The following GALNTL6 variants were observed in gnomAD, a reference collection of about 807,000 sequenced individuals.
GALNTL6 encodes polypeptide N-acetylgalactosaminyltransferase like 6, also known as polypeptide N-acetylgalactosaminyltransferase-like 6.
A neutral mutation model predicts 73.7 loss-of-function variants in GALNTL6; 46 were observed. That is an observed-to-expected ratio of 0.62 (90% CI 0.49 to 0.80). The LOEUF (loss-of-function observed/expected upper bound fraction) is 0.80, where lower values mean the gene tolerates loss of function less well. Among genes scored for constraint, GALNTL6 ranks in the 30% least tolerant of loss-of-function variants. The pLI is 0.00. For missense variants in GALNTL6, 604 were observed against 755.0 expected (o/e 0.80, Z 2.34); for synonymous variants, 259 against 263.7 (o/e 0.98, Z 0.17).
intron 3 of GALNTL6, among the ~76,000 whole-genome samples, chr4:172,259,710 A>G (rs373195033): frequency 4.1e-4 from 62 of 151,644 alleles, no homozygotes; most frequent in Middle Eastern, 3.4e-3. Flanking sequence ...AGTTTTTCCA[A>G]TGTTATCATT....
At chr4:172,751,933 A>C (rs1737445791) in intron 5 of GALNTL6, among the ~76,000 whole-genome samples, 1 of 151,840 alleles carries the variant, frequency 6.6e-6, no homozygotes, top group South Asian at 2.1e-4. Context: ...CCCTGCAAGA[A>C]CTCTTTCATT....
chr4:171,959,840 T>C (rs1227484208), intron 2 of GALNTL6, among the ~76,000 whole-genome samples: 1 of 152,182 alleles, frequency 6.6e-6, no homozygotes, highest in Non-Finnish European at 1.5e-5. Flanking sequence ...CAAATAGAAA[T>C]AATCTCCCTT....
chr4:172,537,959 G>A (rs1378887624), intron 5 of GALNTL6, among the ~76,000 whole-genome samples: 1 of 152,156 alleles, frequency 6.6e-6, no homozygotes, highest in Non-Finnish European at 1.5e-5. Flanking sequence ...ATTTGGAGGT[G>A]AGGAGAATAG....
At chr4:172,668,459 C>T (rs375907826) in intron 5 of GALNTL6, 5 of 151,954 alleles carry the variant, frequency 3.3e-5, no homozygotes, top group South Asian at 2.1e-4. Flanking sequence ...ATCAAACAGC[C>T]GATGTGAATT....
At chr4:172,709,711 C>T (rs1056639968) in intron 5 of GALNTL6, among the ~76,000 whole-genome samples, 15 of 152,038 alleles carry the variant, frequency 9.9e-5, no homozygotes, top group Non-Finnish European at 2.1e-4. Context: ...AACTTAAAGA[C>T]ATACTGATGA....
At chr4:172,752,046 T>TAAAAAAAAAAAAAAAAAAAAAAAAAAA (rs5864166) in intron 5 of GALNTL6, among the ~76,000 whole-genome samples, 1 of 135,020 alleles carries the variant, frequency 7.4e-6, no homozygotes, top group Non-Finnish European at 1.6e-5. Flanking sequence ...AACTTAAACT[T>TAAAAAAAAAAAAAAAAAAAAAAAAAAA]AAAAAAAAAA....
At chr4:172,127,398 C>A (rs1733332917) in intron 2 of GALNTL6, among the ~76,000 whole-genome samples, 1 of 152,270 alleles carries the variant, frequency 6.6e-6, no homozygotes, top group Non-Finnish European at 1.5e-5. Flanking sequence ...CACAGGCCCA[C>A]ATGCAACAGC....
chr4:172,792,453 A>G (rs557249685), intron 5 of GALNTL6, among the ~76,000 whole-genome samples: 1 of 152,228 alleles, frequency 6.6e-6, no homozygotes, highest in South Asian at 2.1e-4. Flanking sequence ...AAAAGTGAGG[A>G]AAAATGAAGT....
At chr4:172,888,952 GTTC>G (rs1334654567) in intron 8 of GALNTL6, among the ~76,000 whole-genome samples, 2 of 151,552 alleles carry the variant, frequency 1.3e-5, no homozygotes, top group Non-Finnish European at 2.9e-5. Context: ...GTGTTTTGTA[GTTC>G]TTCTTGTAGA....
intron 3 of GALNTL6, among the ~76,000 whole-genome samples, chr4:172,269,015 C>T (rs138669839): frequency 6.6e-6 from 1 of 152,250 alleles, no homozygotes; most frequent in East Asian, 1.9e-4. Flanking sequence ...ATGAGCGTGG[C>T]CCATCACATC....
chr4:172,064,379 C>A (rs900322859), intron 2 of GALNTL6, among the ~76,000 whole-genome samples: 5 of 152,114 alleles, frequency 3.3e-5, no homozygotes, highest in African/African-American at 1.2e-4. Flanking sequence ...GAATAGTGTA[C>A]GCTTGAAGTC....
At chr4:172,958,048 G>A (rs946201474) in intron 10 of GALNTL6, among the ~76,000 whole-genome samples, 7 of 152,152 alleles carry the variant, frequency 4.6e-5, no homozygotes, top group African/African-American at 7.2e-5. Context: ...ATTGAAGTCC[G>A]GGCCAGAAAC....
chr4:172,943,993 C>G (rs543906572), intron 9 of GALNTL6, among the ~76,000 whole-genome samples: 1 of 152,106 alleles, frequency 6.6e-6, no homozygotes. Context: ...AAAATTAATA[C>G]AAAATCAATC....
chr4:172,279,358 C>T (rs1738947960), intron 3 of GALNTL6, among the ~76,000 whole-genome samples: 1 of 152,076 alleles, frequency 6.6e-6, no homozygotes, highest in African/African-American at 2.4e-5. Context: ...AGATTTGCTA[C>T]AACTCAACAA....
At chr4:172,687,742 T>G (rs1158843118) in intron 5 of GALNTL6, among the ~76,000 whole-genome samples, 1 of 152,190 alleles carries the variant, frequency 6.6e-6, no homozygotes, top group Non-Finnish European at 1.5e-5. Context: ...GAAAAAGACT[T>G]TAGCGCTTGG....
At chr4:172,123,646 C>T (rs1579160914) in intron 2 of GALNTL6, among the ~76,000 whole-genome samples, 2 of 151,796 alleles carry the variant, frequency 1.3e-5, no homozygotes, top group African/African-American at 2.4e-5. Flanking sequence ...GGATTACAGA[C>T]GTGTGCCACC....
intron 2 of GALNTL6, among the ~76,000 whole-genome samples, chr4:171,824,239 C>T (rs557068795): frequency 3.3e-5 from 5 of 151,666 alleles, no homozygotes; most frequent in East Asian, 3.9e-4. Flanking sequence ...ACAACTGCAT[C>T]GGAAATATCC....
chr4:172,058,273 AAG>A (rs1298030534), intron 2 of GALNTL6, among the ~76,000 whole-genome samples: 2 of 152,068 alleles, frequency 1.3e-5, no homozygotes, highest in African/African-American at 2.4e-5. Flanking sequence ...TTCTTTTTAA[AAG>A]TATTTTTTCT....
At chr4:172,779,416 G>A (rs1739258911) in intron 5 of GALNTL6, among the ~76,000 whole-genome samples, 1 of 152,170 alleles carries the variant, frequency 6.6e-6, no homozygotes, top group South Asian at 2.1e-4. Flanking sequence ...CTTATCGGCA[G>A]GGAGGGGTTC....
Sources: allele counts gnomAD v4.1 joint callset (sites outside exome capture counted in the v4.1 genomes callset), GRCh38; gene constraint gnomAD v4.1.1; transcripts MANE v1.5; gene names NCBI Gene and HGNC (gene_info 2026-07-23, HGNC 2026-07-21).